The following OIP5 variants were observed in gnomAD, a reference collection of about 807,000 sequenced individuals.
OIP5 encodes Opa interacting protein 5.
In OIP5, 24 loss-of-function variants were observed where a neutral mutation model predicts 20.3. The observed-to-expected ratio is 1.18, with a 90% CI of 0.86 to 1.66. OIP5 has a LOEUF of 1.66. Among genes scored for constraint, OIP5 ranks in the 40% most tolerant of loss-of-function variants. The pLI is 0.00. For missense variants in OIP5, 339 were observed against 289.5 expected (o/e 1.17, Z -1.24); for synonymous variants, 143 against 121.3 (o/e 1.18, Z -1.17).
intron 2 of OIP5, among the ~76,000 whole-genome samples, chr15:41,321,035 A>T (rs1456469202): frequency 7.7e-6 from 1 of 130,380 alleles, no homozygotes; most frequent in Non-Finnish European, 1.6e-5. Flanking sequence ...AAGTGAGGAG[A>T]CCCTCCGCCC....
intron 2 of OIP5, among the ~76,000 whole-genome samples, chr15:41,329,726 G>C (rs1233441192): frequency 1.3e-5 from 2 of 151,062 alleles, no homozygotes; most frequent in African/African-American, 2.4e-5. Flanking sequence ...TTTTGAGGAA[G>C]AGTCTCGCTC....
chr15:41,323,105 GAAAT>G (rs1348783571), intron 2 of OIP5, among the ~76,000 whole-genome samples: 2 of 152,106 alleles, frequency 1.3e-5, no homozygotes, highest in Admixed American at 1.3e-4. Context: ...AGCAAAATAT[GAAAT>G]AAAGTGTCAT....
rs558688238 is a variant in OIP5, at chr15:41,311,256, C to T, written c.595-1407G>A. Among the ~76,000 whole-genome samples the T allele has an allele frequency of 2.6e-5, 4 of 152,242 alleles. No individual in the cohort carries two copies. The South Asian group carries it at 8.3e-4, about 32-fold the overall frequency. On this transcript the variant is annotated intron_variant, in intron 4 of 4. Coordinates refer to ENST00000220514, the MANE Select transcript of OIP5 (RefSeq NM_007280.2). ...ATTATCTGGGCACGGTAGTGCGCGC[C>T]TGTAGTCCCAGGTACTCAGGAGGCT... is the stretch of plus-strand genomic sequence containing the variant.
intron 2 of OIP5, among the ~76,000 whole-genome samples, 191 bp downstream of exon 2, chr15:41,331,724 T>A (rs955666628): frequency 3.9e-5 from 6 of 152,176 alleles, no homozygotes; most frequent in African/African-American, 1.4e-4. Flanking sequence ...CTGGGAGAAG[T>A]GGCCCTCAGG....
At chr15:41,325,989 C>G (rs1013912793) in intron 2 of OIP5, among the ~76,000 whole-genome samples, 1 of 152,040 alleles carries the variant, frequency 6.6e-6, no homozygotes, top group African/African-American at 2.4e-5. Context: ...TGGCAAAACC[C>G]TGTCTCTACT....
rs1450718744 is a variant in OIP5 at position 41,322,596 on chromosome 15, G to A, written c.390-2816C>T. 2.0e-5 allele frequency among the ~76,000 whole-genome samples: 3 copies of A among 151,792 alleles called. No homozygotes were observed. In the East Asian group the frequency reaches 5.8e-4, roughly 29 times the overall value. On this transcript the variant is annotated intron_variant, in intron 2 of 4. Coordinates refer to ENST00000220514, the MANE Select transcript of OIP5 (RefSeq NM_007280.2). ...TTTGGCAGAAATGGGGTCTTACTTT[G>A]TTTCCCAGGCTAGGAGAATTCTATT...
intron 3 of OIP5, among the ~76,000 whole-genome samples, chr15:41,316,187 T>C (rs1450644888): frequency 1.3e-5 from 2 of 151,728 alleles, no homozygotes; most frequent in Non-Finnish European, 2.9e-5. Flanking sequence ...GATTAATGCC[T>C]GTAATCTTAA....
rs570821213 is a variant in OIP5 at position 41,325,867 on chromosome 15, A to T, written c.389+6048T>A. On this transcript the variant is annotated intron_variant, in intron 2 of 4. Coordinates refer to ENST00000220514, the MANE Select transcript of OIP5 (RefSeq NM_007280.2). ...TCCGTCTCAAAAAAAAAAAAAAAAA[A>T]TTGCATTACCTGGGCTGGGCATAGT... Among the ~76,000 whole-genome samples the T allele has an allele frequency of 6.7e-5, 10 of 149,408 alleles. 1 individual carries two copies. The highest frequency in any genetic ancestry group is 4.2e-4 in the South Asian group (2 of 4,720).
chr15:41,323,839 G>C (rs1393250473), intron 2 of OIP5, among the ~76,000 whole-genome samples: 1 of 152,086 alleles, frequency 6.6e-6, no homozygotes, highest in Non-Finnish European at 1.5e-5. Context: ...TCTTCCAACA[G>C]AAGGCTGTTT....
At chr15:41,330,820 G>A (rs75899901) in intron 2 of OIP5, among the ~76,000 whole-genome samples, 2,152 of 152,224 alleles carry the variant, frequency 0.014, 26 homozygotes, top group Non-Finnish European at 0.023. Context: ...AGCTACATAT[G>A]ACTAGTGATT....
In OIP5 at chr15:41,321,944, TAAATAAA is replaced by T. The variant is rs1464519394; in HGVS notation, c.390-2171_390-2165del. The stretch of plus-strand genomic sequence containing the variant: ...ATAAAAAAATAAATAAATAAATAAA[TAAATAAA>T]AAAGAAAAAAATGCGCAGACTAAAA... On this transcript the variant is annotated intron_variant, in intron 2 of 4. Transcript: ENST00000220514. Among the ~76,000 whole-genome samples the T allele has an allele frequency of 6.0e-5, 9 of 150,818 alleles. No homozygotes were observed. The East Asian group carries it at 1.7e-3, about 29-fold the overall frequency.
At chr15:41,329,010 G>A (rs908776456) in intron 2 of OIP5, among the ~76,000 whole-genome samples, 5 of 137,836 alleles carry the variant, frequency 3.6e-5, no homozygotes, top group African/African-American at 8.3e-5. Context: ...AGGTTGCAGC[G>A]AGCCAAGATC....
Position 41,319,783 on chromosome 15 carries a change from A to G in OIP5, c.390-3T>C, listed in dbSNP as rs764145102. ...CACAGAATAAAAGGTTGTAAGTACT[A>G]GGGGTGGGGAAAAACACAATATGGG... On this transcript the variant is annotated splice_region_variant and splice_polypyrimidine_tract_variant and intron_variant, in intron 2 of 4. Coordinates refer to ENST00000220514, the MANE Select transcript of OIP5 (RefSeq NM_007280.2). The G allele has an allele frequency of 6.2e-7, 1 of 1,601,300 alleles. No individual in the cohort carries two copies. The highest frequency in any genetic ancestry group is 8.5e-7 in the Non-Finnish European group (1 of 1,175,736).
At chr15:41,323,466 C>T (rs2047842349) in intron 2 of OIP5, among the ~76,000 whole-genome samples, 1 of 152,118 alleles carries the variant, frequency 6.6e-6, no homozygotes, top group Non-Finnish European at 1.5e-5. Context: ...GCTGCAATAG[C>T]CCCTAACAAG....
chr15:41,310,947 G>C (rs775713312), intron 4 of OIP5, among the ~76,000 whole-genome samples: 7 of 152,190 alleles, frequency 4.6e-5, no homozygotes, highest in Non-Finnish European at 8.8e-5. Flanking sequence ...ATGAAATTTA[G>C]TGTTGTTACT....
At chr15:41,318,532 G>A (rs140213719) in intron 3 of OIP5, among the ~76,000 whole-genome samples, 4 of 152,280 alleles carry the variant, frequency 2.6e-5, no homozygotes, top group African/African-American at 9.6e-5. Context: ...CAAGATTCAA[G>A]TGATCCTCCT....
chr15:41,319,808 G>A, intron 2 of OIP5, 28 bp from the exon 3 acceptor site: 1 of 1,566,066 alleles, frequency 6.4e-7, no homozygotes, highest in Non-Finnish European at 8.6e-7. Flanking sequence ...CACAATATGG[G>A]TAAGAATAAA....
At chr15:41,309,911 C>T in intron 4 of OIP5, 62 bp from the exon 5 acceptor site, 1 of 1,156,618 alleles carries the variant, frequency 8.6e-7, no homozygotes, top group East Asian at 2.5e-5. Flanking sequence ...TTTTAAGAGA[C>T]AGGGTCTCAC....
intron 2 of OIP5, among the ~76,000 whole-genome samples, chr15:41,320,639 C>T (rs898496890): frequency 1.8e-4 from 28 of 152,170 alleles, no homozygotes; most frequent in Non-Finnish European, 2.9e-5. Context: ...GCTACAACCT[C>T]CACCTCCCAG....
Sources: allele counts gnomAD v4.1 joint callset (sites outside exome capture counted in the v4.1 genomes callset), GRCh38; gene constraint gnomAD v4.1.1; transcripts MANE v1.5; gene names NCBI Gene and HGNC (gene_info 2026-07-23, HGNC 2026-07-21).